Variants in MYH4 observed in about 807,000 individuals in gnomAD.
MYH4 encodes the protein myosin-4.
A neutral mutation model predicts 229.9 loss-of-function variants in MYH4; 200 were observed. The ratio of observed to expected loss-of-function variants is 0.87; its 90% CI spans 0.78 to 0.98. The LOEUF (loss-of-function observed/expected upper bound fraction) is 0.98. Ranked by LOEUF, MYH4 falls within the 50% of genes least tolerant of loss-of-function variation. The pLI, the probability that MYH4 is intolerant of heterozygous loss-of-function variation, is 0.00. For synonymous variants in MYH4, 761 were observed against 834.6 expected, an observed-to-expected ratio of 0.91 and a Z score of 1.52; for missense variants, 2,148 against 2,332.6, an observed-to-expected ratio of 0.92 and a Z score of 1.63.
At chr17:10,463,003 A>G (rs747366328) in intron 10 of MYH4, 35 bp from the exon 11 acceptor site, 4 of 1,603,428 alleles carry the variant, frequency 2.5e-6, no homozygotes, top group African/African-American at 2.7e-5. Flanking sequence ...TATAGACAGC[A>G]TTGCTTTGGT....
rs762701247 is a variant in MYH4, at chr17:10,465,463, C to G, written c.484G>C (p.Ala162Pro). The part of the protein sequence containing the change: ...PPHIFSISDN[A>P]YQFMLTDREN... The stretch of plus-strand genomic sequence containing the variant: ...TCACCAGTTAGCATGAACTGATAGG[C>G]ATTGTCAGAGATGGAGAAGATATGG... Residue 162 changes from alanine to proline, a missense_variant, in exon 5 of 40, where the codon GCC (alanine) becomes CCC (proline). By Grantham distance (27) the Ala-to-Pro change is conservative. Transcript: ENST00000255381. 6.2e-7 allele frequency: 1 copy of G among 1,613,970 alleles called. No homozygotes were observed. The highest frequency in any genetic ancestry group is 2.2e-5 in the East Asian group (1 of 44,880).
At chr17:10,454,166 C>A (rs1421570770) in intron 22 of MYH4, among the ~76,000 whole-genome samples, 1 of 152,216 alleles carries the variant, frequency 6.6e-6, no homozygotes, top group Non-Finnish European at 1.5e-5. Context: ...TTGGAAAAAT[C>A]GCTTGTTCAT....
At chr17:10,453,586 A>C (rs2142218365) in intron 23 of MYH4, 57 bp downstream of exon 23, 1 of 1,611,176 alleles carries the variant, frequency 6.2e-7, no homozygotes, top group Non-Finnish European at 8.5e-7. Context: ...ATTTTTAATT[A>C]AAATACTTCA....
rs575496885 is a variant in MYH4, at chr17:10,459,214, G to T, written c.1587+37C>A. The T allele has an allele frequency of 3.1e-6, 5 of 1,613,888 alleles. No individual in the cohort carries two copies. In the African/African-American group the frequency reaches 4.0e-5, roughly 13 times the overall value. On this transcript the variant is annotated intron_variant, in intron 15 of 39. Coordinates refer to ENST00000255381, the MANE Select transcript of MYH4 (RefSeq NM_017533.2). Reference sequence around the variant, plus strand: ...TAAGCACAGGGAGGCAAGCAATTTGGTTTTCATGTTTTGAAAGCTAGAAAA... The same window carrying T: ...TAAGCACAGGGAGGCAAGCAATTTGTTTTTCATGTTTTGAAAGCTAGAAAA...
At chr17:10,469,176 C>T (rs1385015336) in intron 2 of MYH4, 112 bp downstream of exon 2, 1 of 152,104 alleles carries the variant, frequency 6.6e-6, no homozygotes, top group Admixed American at 6.6e-5. Flanking sequence ...AGAACAGCTG[C>T]CCCGATATCC....
intron 15 of MYH4, 35 bp from the exon 16 acceptor site, chr17:10,457,764 T>C (rs2072658614): frequency 6.3e-7 from 1 of 1,586,134 alleles, no homozygotes; most frequent in African/African-American, 1.4e-5. Context: ...TAATGATGAG[T>C]CCCTCAGAAA....
intron 19 of MYH4, 44 bp downstream of exon 19, chr17:10,455,570 G>A: frequency 7.5e-6 from 12 of 1,605,346 alleles, no homozygotes; most frequent in East Asian, 2.2e-5. Context: ...TAGTGATTTT[G>A]TGTAGACTAA....
At chr17:10,464,295 C>G (rs1422615367) in intron 7 of MYH4, among the ~76,000 whole-genome samples, 177 bp downstream of exon 7, 2 of 152,112 alleles carry the variant, frequency 1.3e-5, no homozygotes, top group African/African-American at 2.4e-5. Context: ...CATTAATTCT[C>G]TTAGGACAAT....
intron 35 of MYH4, among the ~76,000 whole-genome samples, chr17:10,445,959 C>T (rs12601475): frequency 0.39 from 55,473 of 143,274 alleles, 11,610 homozygotes; most frequent in East Asian, 0.86. Flanking sequence ...ACATGGGAGT[C>T]GGAGCTTGCT....
At position 10,445,088 on chromosome 17, in the gene MYH4, C is replaced by A. The variant is rs146221622; in HGVS notation, c.5354G>T (p.Arg1785Leu). The A allele has an allele frequency of 5.6e-6, 9 of 1,614,036 alleles. No homozygotes were observed. Residue 1785 changes from arginine to leucine, a missense_variant, in exon 37 of 40, where the codon CGG (arginine) becomes CTG (leucine). By Grantham distance (102) the Arg-to-Leu change is moderately radical. Transcript: ENST00000255381. The stretch of plus-strand genomic sequence containing the variant: ...GGTCTGCTCCATGTTCTTCTTCATC[C>A]GCTCCAGGTGGGCGCTGGTGTCCTG... ...KEQDTSAHLE[R>L]MKKNMEQTVK...
chr17:10,448,383 A>G lies in MYH4; in HGVS notation c.4656+13T>C, dbSNP rs769730894. The G allele has an allele frequency of 6.2e-6, 10 of 1,605,768 alleles. No individual in the cohort carries two copies. In the Admixed American group the frequency reaches 1.0e-4, roughly 17 times the overall value. Reference sequence around the variant, plus strand: ...TTATTTATAATGCAGAGCTAAGCAAATGAAAAATGTACCTCTGCTTCCTCT... The same window carrying G: ...TTATTTATAATGCAGAGCTAAGCAAGTGAAAAATGTACCTCTGCTTCCTCT... On this transcript the variant is annotated intron_variant, in intron 33 of 39. Coordinates refer to ENST00000255381, the MANE Select transcript of MYH4 (RefSeq NM_017533.2).
intron 11 of MYH4, 70 bp from the exon 12 acceptor site, chr17:10,461,124 G>A (rs2072697610): frequency 1.3e-6 from 2 of 1,559,408 alleles, no homozygotes; most frequent in East Asian, 4.5e-5. Flanking sequence ...CACCGGGGCT[G>A]TCTCCCACTT....
At chr17:10,456,691 T>C (rs2072642913) in intron 16 of MYH4, 136 bp from the exon 17 acceptor site, 1 of 666,180 alleles carries the variant, frequency 1.5e-6, no homozygotes, top group Non-Finnish European at 2.6e-6. Flanking sequence ...ATTCTTTCCA[T>C]ATCTCTCCTC....
rs2072566083 is a variant in MYH4, at chr17:10,450,915, A to G, written c.3866-20T>C. The G allele has an allele frequency of 6.4e-7, 1 of 1,554,368 alleles. No homozygotes were observed. The highest frequency in any genetic ancestry group is 8.9e-7 in the Non-Finnish European group (1 of 1,126,174). On this transcript the variant is annotated intron_variant, in intron 28 of 39. Transcript: ENST00000255381. ...ACTCACCTGTGGAAGACAAAACATC[A>G]ATGATTTAGTTCTGTTGTCTAGGTA... is the stretch of plus-strand genomic sequence containing the variant.
chr17:10,452,338 T>A lies in MYH4; in HGVS notation c.3349-8A>T. 6.2e-7 allele frequency: 1 copy of A among 1,614,144 alleles called. No homozygotes were observed. Among genetic ancestry groups the A allele is most frequent in the South Asian group, 1.1e-5 (1 of 91,084 alleles). ...CAGCTCCTCAATGCGGGCCTGGTTG[T>A]GATATGTCAACATTAATGTGAATTT... On this transcript the variant is annotated splice_region_variant and splice_polypyrimidine_tract_variant and intron_variant, in intron 26 of 39. Coordinates refer to ENST00000255381, the MANE Select transcript of MYH4 (RefSeq NM_017533.2).
At position 10,451,360 on chromosome 17, in the gene MYH4, C is replaced by G. The variant is rs1225371790; in HGVS notation, c.3831G>C (p.Leu1277Phe). 1.9e-6 allele frequency: 3 copies of G among 1,613,938 alleles called. No homozygotes were observed. The African/African-American group carries it at 4.0e-5, about 22-fold the overall frequency. Reference sequence around the variant, plus strand: ...TGTGTAAACGTGCCTTCTGGGCTGACAACTCATTTATTAAGCGTTGTTGCT... The same window carrying G: ...TGTGTAAACGTGCCTTCTGGGCTGAGAACTCATTTATTAAGCGTTGTTGCT... Reference protein sequence around the residue: ...EEEQQRLINELSAQKARLHTE... With the variant: ...EEEQQRLINEFSAQKARLHTE... Residue 1277 changes from leucine (L) to phenylalanine (F), a missense_variant, in exon 28 of 40, where the codon TTG (leucine) becomes TTC (phenylalanine). Coordinates refer to ENST00000255381, the MANE Select transcript of MYH4 (RefSeq NM_017533.2).
chr17:10,453,099 G>C (rs1462225246), intron 24 of MYH4, 53 bp downstream of exon 24: 1 of 1,609,558 alleles, frequency 6.2e-7, no homozygotes, highest in Non-Finnish European at 8.5e-7. Context: ...CTGGTTTCAT[G>C]TCACAATTGT....
chr17:10,455,087 G>A lies in MYH4; in HGVS notation c.2299-10C>T, dbSNP rs942434875. On this transcript the variant is annotated splice_polypyrimidine_tract_variant and intron_variant, in intron 20 of 39. Transcript: ENST00000255381. Reference sequence around the variant, plus strand: ...CAGCTTTGAAGAAAACCTTATGAAAGAACAAGTTAAATATGTTATTTCCAC... The same window carrying A: ...CAGCTTTGAAGAAAACCTTATGAAAAAACAAGTTAAATATGTTATTTCCAC... 4 of 1,613,952 alleles carry A rather than the reference G, an allele frequency of 2.5e-6. No homozygotes were observed. The highest frequency in any genetic ancestry group is 1.3e-5 in the African/African-American group (1 of 74,908).
chr17:10,459,695 A>T (rs926398558), intron 14 of MYH4, among the ~76,000 whole-genome samples: 5 of 152,046 alleles, frequency 3.3e-5, no homozygotes, highest in African/African-American at 1.2e-4. Context: ...AGGTGTTCTC[A>T]TGCTCATCTG....
Sources: gnomAD v4.1 joint callset for allele counts (sites outside exome capture counted in the v4.1 genomes callset) on GRCh38, gnomAD v4.1.1 for gene constraint, MANE v1.5 for transcripts, NCBI Gene and HGNC (gene_info 2026-07-23, HGNC 2026-07-21) for gene names.